The following IGSF21 variants were observed in gnomAD, a reference collection of about 807,000 sequenced individuals.
IGSF21 encodes the protein immunoglobulin superfamily member 21.
A neutral mutation model predicts 46.8 loss-of-function variants in IGSF21; 28 were observed. The ratio of observed to expected loss-of-function variants is 0.60; its 90% confidence interval spans 0.44 to 0.82. The LOEUF is 0.82. IGSF21 is among the 40% of genes least tolerant of loss of function. The pLI is 0.00. For missense variants in IGSF21, 624 were observed against 665.5 expected (o/e 0.94, Z 0.69); for synonymous variants, 284 against 273.6 (o/e 1.04, Z -0.38).
At chr1:18,165,063 C>T (rs2086665845) in intron 1 of IGSF21, among the ~76,000 whole-genome samples, 1 of 151,934 alleles carries the variant, frequency 6.6e-6, no homozygotes, top group African/African-American at 2.4e-5. Context: ...AGGATATGAA[C>T]TCATCATTTT....
At chr1:18,135,881 G>A (rs2086364229) in intron 1 of IGSF21, among the ~76,000 whole-genome samples, 1 of 152,202 alleles carries the variant, frequency 6.6e-6, no homozygotes, top group East Asian at 1.9e-4. Context: ...CCCACCAGCA[G>A]TGTAAAAGTG....
intron 3 of IGSF21, among the ~76,000 whole-genome samples, chr1:18,330,678 G>A (rs1459719564): frequency 3.8e-5 from 3 of 78,686 alleles, no homozygotes; most frequent in Admixed American, 1.5e-4. Context: ...AAGGGAAGGT[G>A]GAAGACATAG....
At chr1:18,239,908 G>A (rs2124517010) in intron 2 of IGSF21, among the ~76,000 whole-genome samples, 1 of 152,320 alleles carries the variant, frequency 6.6e-6, no homozygotes, top group South Asian at 2.1e-4. Context: ...CTGGACTCAT[G>A]TGTTCATTTT....
intron 1 of IGSF21, among the ~76,000 whole-genome samples, chr1:18,174,825 T>C (rs1198006996): frequency 2.6e-5 from 4 of 152,342 alleles, no homozygotes; most frequent in African/African-American, 9.6e-5. Context: ...CAGTGGTTCT[T>C]GACATAGTCT....
At chr1:18,295,891 T>C (rs2085307651) in intron 3 of IGSF21, among the ~76,000 whole-genome samples, 1 of 152,154 alleles carries the variant, frequency 6.6e-6, no homozygotes. Flanking sequence ...AGATGCATGC[T>C]CAGGAGGACA....
chr1:18,296,820 C>T (rs1345919342), intron 3 of IGSF21, among the ~76,000 whole-genome samples: 3 of 152,162 alleles, frequency 2.0e-5, no homozygotes, highest in Non-Finnish European at 4.4e-5. Context: ...TCTTCCATTT[C>T]CTGAAGCACC....
At chr1:18,231,462 G>C (rs1198836323) in intron 2 of IGSF21, among the ~76,000 whole-genome samples, 1 of 152,124 alleles carries the variant, frequency 6.6e-6, no homozygotes, top group Non-Finnish European at 1.5e-5. Context: ...CCCATGGTCT[G>C]GCCAAGTGGG....
chr1:18,192,609 C>T (rs114935220), intron 1 of IGSF21, among the ~76,000 whole-genome samples: 167 of 152,188 alleles, frequency 1.1e-3, no homozygotes, highest in African/African-American at 3.9e-3. Flanking sequence ...GCATATGCAC[C>T]GGGATCCTAT....
At chr1:18,195,026 C>T (rs2086993784) in intron 1 of IGSF21, among the ~76,000 whole-genome samples, 1 of 152,192 alleles carries the variant, frequency 6.6e-6, no homozygotes, top group Non-Finnish European at 1.5e-5. Context: ...TTATTCACTG[C>T]CACAAGAACA....
intron 2 of IGSF21, chr1:18,279,019 T>A (rs1297435963): frequency 7.2e-6 from 3 of 418,258 alleles, no homozygotes; most frequent in Non-Finnish European, 1.5e-5. Flanking sequence ...GAGCCTCATC[T>A]GTCAAATGCA....
intron 1 of IGSF21, among the ~76,000 whole-genome samples, chr1:18,147,698 C>A (rs2086482518): frequency 6.6e-6 from 1 of 152,050 alleles, no homozygotes; most frequent in Admixed American, 6.5e-5. Context: ...TCCTACATAC[C>A]AGGATGGTTC....
intron 1 of IGSF21, among the ~76,000 whole-genome samples, chr1:18,180,283 G>A (rs763932997): frequency 6.6e-6 from 1 of 152,204 alleles, no homozygotes; most frequent in South Asian, 2.1e-4. Context: ...AATAGTGCCT[G>A]CCATGCAGGG....
At chr1:18,199,261 A>G (rs2087041580) in intron 1 of IGSF21, among the ~76,000 whole-genome samples, 1 of 152,064 alleles carries the variant, frequency 6.6e-6, no homozygotes, top group Admixed American at 6.5e-5. Context: ...CTCACCACCC[A>G]GGGGATGTGT....
At chr1:18,139,422 C>A (rs969780240) in intron 1 of IGSF21, among the ~76,000 whole-genome samples, 1 of 152,192 alleles carries the variant, frequency 6.6e-6, no homozygotes, top group Non-Finnish European at 1.5e-5. Flanking sequence ...ATCGTGCAGG[C>A]TCCCTGGGCG....
At chr1:18,176,868 C>T (rs1270968185) in intron 1 of IGSF21, among the ~76,000 whole-genome samples, 1 of 152,198 alleles carries the variant, frequency 6.6e-6, no homozygotes, top group East Asian at 1.9e-4. Flanking sequence ...GGACAACAGG[C>T]CAGCTGTGAC....
intron 1 of IGSF21, among the ~76,000 whole-genome samples, chr1:18,148,326 G>C (rs910980487): frequency 6.6e-6 from 1 of 151,932 alleles, no homozygotes; most frequent in South Asian, 2.1e-4. Context: ...TAGAGATGGG[G>C]TTTCACCATG....
chr1:18,377,178 G>A (rs2271861), intron 8 of IGSF21, among the ~76,000 whole-genome samples, 186 bp downstream of exon 8: 13,533 of 152,124 alleles, frequency 0.089, 738 homozygotes, highest in East Asian at 0.22. Context: ...AATCAGCTTC[G>A]GACTCAGAAA....
chr1:18,156,738 T>A (rs1028692620), intron 1 of IGSF21, among the ~76,000 whole-genome samples: 13 of 152,094 alleles, frequency 8.5e-5, no homozygotes, highest in Non-Finnish European at 1.9e-4. Context: ...TGTCTCTGAG[T>A]GTTTACAGCC....
intron 1 of IGSF21, among the ~76,000 whole-genome samples, chr1:18,208,815 A>T (rs1445296159): frequency 6.6e-6 from 1 of 152,146 alleles, no homozygotes; most frequent in African/African-American, 2.4e-5. Context: ...ACACAATGAG[A>T]TACTAACCAG....
Sources: gnomAD v4.1 joint callset for allele counts (sites outside exome capture counted in the v4.1 genomes callset) on GRCh38, gnomAD v4.1.1 for gene constraint, MANE v1.5 for transcripts, NCBI Gene and HGNC (gene_info 2026-07-23, HGNC 2026-07-21) for gene names.